MGAT5: variants seen among roughly 807,000 people sequenced by gnomAD.
MGAT5 encodes alpha-1,6-mannosylglycoprotein 6-beta-N-acetylglucosaminyltransferase, also known as alpha-1,6-mannosylglycoprotein 6-beta-N-acetylglucosaminyltransferase A.
MGAT5 carries 30 observed loss-of-function variants against 94.3 expected under a neutral mutation model. That is an observed-to-expected ratio of 0.32 (90% CI 0.24 to 0.43). The LOEUF is 0.43. Among genes scored for constraint, MGAT5 ranks in the 20% least tolerant of loss-of-function variants. The pLI is 1.00. For synonymous variants in MGAT5, 310 were observed against 322.9 expected, an observed-to-expected ratio of 0.96 and a Z score of 0.43; for missense variants, 691 against 905.5, an observed-to-expected ratio of 0.76 and a Z score of 3.04.
At chr2:134,168,977 A>G (rs1688075513) in intron 1 of MGAT5, among the ~76,000 whole-genome samples, 1 of 152,060 alleles carries the variant, frequency 6.6e-6, no homozygotes, top group African/African-American at 2.4e-5. Context: ...GTGGGTGGGG[A>G]GATGTGAGAC....
At chr2:134,361,230 G>T (rs1680075936) in intron 9 of MGAT5, among the ~76,000 whole-genome samples, 1 of 152,212 alleles carries the variant, frequency 6.6e-6, no homozygotes, top group South Asian at 2.1e-4. Context: ...AATGGATGTG[G>T]TGGACTTTTC....
intron 1 of MGAT5, among the ~76,000 whole-genome samples, chr2:134,173,653 A>G (rs189079105): frequency 3.6e-4 from 55 of 152,224 alleles, no homozygotes; most frequent in African/African-American, 1.1e-3. Flanking sequence ...GCCTTTGGAG[A>G]GGCCTCTTGG....
rs1343760523 is a variant in MGAT5 at position 134,254,245 on chromosome 2, C to T, written c.-159C>T. 2 of 826,862 alleles carry T rather than the reference C, an allele frequency of 2.4e-6. No individual in the cohort carries two copies. The highest frequency in any genetic ancestry group is 2.6e-5 in the East Asian group (1 of 37,956). 51.2% of individuals were successfully genotyped at this position (826,862 alleles called of 1,614,324 possible). A position where few individuals can be genotyped will look rare whatever the true frequency, so the allele number is the denominator to read the frequency against. ...TTGTGCCATGACCACTTGGCTAATT[C>T]TTCTCCTCCTTCACAGCAGAATGGA... On this transcript the variant is annotated 5_prime_UTR_variant, in exon 1 of 16. Coordinates refer to ENST00000281923, the MANE Select transcript of MGAT5 (RefSeq NM_002410.5).
intron 1 of MGAT5, among the ~76,000 whole-genome samples, chr2:134,170,409 G>C (rs1688148916): frequency 6.6e-6 from 1 of 152,186 alleles, no homozygotes; most frequent in African/African-American, 2.4e-5. Flanking sequence ...GTTTCATAGA[G>C]ATGGTGGATT....
intron 4 of MGAT5, among the ~76,000 whole-genome samples, chr2:134,324,096 C>A (rs1259339462): frequency 1.3e-5 from 2 of 152,166 alleles, no homozygotes; most frequent in African/African-American, 4.8e-5. Flanking sequence ...GTATTTGACA[C>A]TGGCACTTTT....
chr2:134,441,922 G>A lies in MGAT5; in HGVS notation c.2027+7G>A. 1 of 1,611,030 alleles carries A rather than the reference G, an allele frequency of 6.2e-7. No individual in the cohort carries two copies. Among genetic ancestry groups the A allele is most frequent in the Non-Finnish European group, 8.5e-7 (1 of 1,177,858 alleles). On this transcript the variant is annotated splice_region_variant and intron_variant, in intron 15 of 15. Transcript: ENST00000281923. ...AGGACAAGGACATGCTGAAGTAAGTGCCCTGGGGTGGGGGTGGGGACTCAG... is the reference window on the plus strand; with the variant it reads ...AGGACAAGGACATGCTGAAGTAAGTACCCTGGGGTGGGGGTGGGGACTCAG...
chr2:134,193,419 A>C (rs1432633015), intron 1 of MGAT5, among the ~76,000 whole-genome samples: 1 of 152,138 alleles, frequency 6.6e-6, no homozygotes, highest in Admixed American at 6.5e-5. Context: ...CAGCTGTTAC[A>C]TGAGGTTAAA....
At chr2:134,317,005 G>T (rs1276935465) in intron 2 of MGAT5, among the ~76,000 whole-genome samples, 1 of 152,300 alleles carries the variant, frequency 6.6e-6, no homozygotes, top group East Asian at 1.9e-4. Context: ...CATGGATGCA[G>T]GGCAGGAGTT....
In MGAT5 at chr2:134,291,803, T is replaced by C. The variant is rs1019306937; in HGVS notation, c.406+21253T>C. Among the ~76,000 whole-genome samples the C allele has an allele frequency of 7.9e-5, 12 of 152,196 alleles. No individual in the cohort carries two copies. In the South Asian group the frequency reaches 2.5e-3, roughly 31 times the overall value. On this transcript the variant is annotated intron_variant, in intron 2 of 15. Coordinates refer to ENST00000281923, the MANE Select transcript of MGAT5 (RefSeq NM_002410.5). Reference sequence around the variant, plus strand: ...GACTACTTGCTTAGTCAGTTTTCCCTAGAAGCTTTTAAAGTTTGGGCCCTG... The same window carrying C: ...GACTACTTGCTTAGTCAGTTTTCCCCAGAAGCTTTTAAAGTTTGGGCCCTG...
intron 13 of MGAT5, among the ~76,000 whole-genome samples, 168 bp downstream of exon 13, chr2:134,423,087 T>C (rs1431906680): frequency 2.0e-5 from 3 of 152,208 alleles, no homozygotes; most frequent in Admixed American, 6.5e-5. Flanking sequence ...TTCATGAATG[T>C]TCTGTGAAAT....
At chr2:134,189,602 G>GTTTTTTCTTTTTTTTT (rs1689239643) in intron 1 of MGAT5, among the ~76,000 whole-genome samples, 1 of 84,672 alleles carries the variant, frequency 1.2e-5, no homozygotes, top group Non-Finnish European at 2.3e-5. Flanking sequence ...GTTTTTTTTT[G>GTTTTTTCTTTTTTTTT]TTTTTTTTTT....
At position 134,128,735 on chromosome 2, in the gene MGAT5, A is replaced by G. The variant is rs115468299; in HGVS notation, c.-143+8444A>G. 3.5e-3 allele frequency among the ~76,000 whole-genome samples: 532 copies of G among 152,174 alleles called. 5 individuals are homozygous for G. The highest frequency in any genetic ancestry group is 0.013 in the African/African-American group (519 of 41,500). On this transcript the variant is annotated intron_variant, in intron 1 of 16. Transcript: ENST00000409645. ...CACCACGCCTGGCTAAATTTTTAAA[A>G]AAAATTTTAGTTTTTGGAGAGACAC...
rs1415551183 is a variant in MGAT5 at position 134,410,471 on chromosome 2, T to A, written c.1531-2398T>A. ...CTCATTGCCAGGAAATTATGTTGTA[T>A]TTGCTTAGGCTTCATTCTAAACATA... On this transcript the variant is annotated intron_variant, in intron 11 of 15. Coordinates refer to ENST00000281923, the MANE Select transcript of MGAT5 (RefSeq NM_002410.5). Among the ~76,000 whole-genome samples the A allele has an allele frequency of 2.6e-5, 4 of 152,232 alleles. No individual in the cohort carries two copies. The East Asian group carries it at 7.7e-4, about 29-fold the overall frequency.
intron 1 of MGAT5, among the ~76,000 whole-genome samples, chr2:134,224,013 G>T (rs1680926242): frequency 6.6e-6 from 1 of 151,708 alleles, no homozygotes; most frequent in African/African-American, 2.4e-5. Flanking sequence ...TAACTTAAAA[G>T]AAAAAGATTT....
At chr2:134,399,119 T>G (rs7601436) in intron 10 of MGAT5, among the ~76,000 whole-genome samples, 110,853 of 152,072 alleles carry the variant, frequency 0.73, 42,197 homozygotes, top group South Asian at 0.87. Context: ...ATACCCTAAA[T>G]ACCCTGATTT....
At chr2:134,309,044 A>G (rs750659025) in intron 2 of MGAT5, among the ~76,000 whole-genome samples, 32 of 152,262 alleles carry the variant, frequency 2.1e-4, no homozygotes, top group African/African-American at 6.5e-4. Flanking sequence ...AGATTTGCCT[A>G]TAGGTTCTGA....
chr2:134,440,484 G>T (rs1685426103), intron 14 of MGAT5, among the ~76,000 whole-genome samples: 1 of 152,178 alleles, frequency 6.6e-6, no homozygotes. Context: ...CAGCATGAGT[G>T]AGTGGGGGTG....
intron 1 of MGAT5, among the ~76,000 whole-genome samples, chr2:134,146,573 G>T (rs1278623027): frequency 4.6e-5 from 7 of 151,768 alleles, no homozygotes; most frequent in Non-Finnish European, 2.9e-5. Flanking sequence ...AAAAAAAATT[G>T]ATTAGGCTCA....
At chr2:134,344,610 A>G (rs1248362233) in intron 7 of MGAT5, among the ~76,000 whole-genome samples, 2 of 152,126 alleles carry the variant, frequency 1.3e-5, no homozygotes, top group Admixed American at 1.3e-4. Context: ...ATGAGCAAAG[A>G]GATTGAGAGA....
Sources: allele counts gnomAD v4.1 joint callset (sites outside exome capture counted in the v4.1 genomes callset), GRCh38; gene constraint gnomAD v4.1.1; transcripts MANE v1.5; gene names NCBI Gene and HGNC (gene_info 2026-07-23, HGNC 2026-07-21).